RRAGD: variants seen among roughly 807,000 people sequenced by gnomAD.
RRAGD encodes the protein Ras related GTP binding D.
Under a neutral mutation model 35.5 loss-of-function variants are expected in RRAGD, and 12 were observed. The observed-to-expected ratio is 0.34, with a 90% CI of 0.22 to 0.55. The LOEUF is 0.55. RRAGD is among the 20% of genes least tolerant of loss of function. The pLI, the probability that RRAGD is intolerant of heterozygous loss-of-function variation, is 0.91. For missense variants in RRAGD, 324 were observed against 490.1 expected (o/e 0.66, Z 3.20); for synonymous variants, 155 against 178.9 (o/e 0.87, Z 1.07).
rs1769619689 is a variant in RRAGD, at chr6:89,408,102, G to A, written c.148+3744C>T. 2.6e-5 allele frequency among the ~76,000 whole-genome samples: 4 copies of A among 152,142 alleles called. No homozygotes were observed. The South Asian group carries it at 8.3e-4, about 32-fold the overall frequency. Reference sequence around the variant, plus strand: ...TCTTCTGTATTTCCAGGGCCAGAAGGAAATCTAAGAGATAAGCTGTGTCCA... The same window carrying A: ...TCTTCTGTATTTCCAGGGCCAGAAGAAAATCTAAGAGATAAGCTGTGTCCA... On this transcript the variant is annotated intron_variant, in intron 1 of 6. Coordinates refer to ENST00000369415, the MANE Select transcript of RRAGD (RefSeq NM_021244.5).
At chr6:89,397,163 A>AAAT (rs1769353306) in intron 1 of RRAGD, among the ~76,000 whole-genome samples, 1 of 152,228 alleles carries the variant, frequency 6.6e-6, no homozygotes, top group Non-Finnish European at 1.5e-5. Flanking sequence ...TATAAAATGT[A>AAAT]AATCAAAACT....
intron 2 of RRAGD, among the ~76,000 whole-genome samples, chr6:89,385,941 C>T (rs1769130811): frequency 6.6e-6 from 1 of 152,132 alleles, no homozygotes; most frequent in South Asian, 2.1e-4. Flanking sequence ...CGAGCATGGG[C>T]TCAGAATGAT....
chr6:89,376,723 G>A lies in RRAGD; in HGVS notation c.902+948C>T, dbSNP rs544441989. Among the ~76,000 whole-genome samples, 25 of 151,448 alleles carry A rather than the reference G, an allele frequency of 1.7e-4. No homozygotes were observed. The South Asian group carries it at 2.3e-3, about 14-fold the overall frequency. ...ATAGGAAGCTCTGTTTTCTAAGAAC[G>A]GTATGTTAACAGATTTTTTTCAGCA... On this transcript the variant is annotated intron_variant, in intron 5 of 6. Transcript: ENST00000369415.
intron 2 of RRAGD, among the ~76,000 whole-genome samples, chr6:89,386,356 G>A (rs1769137195): frequency 6.6e-6 from 1 of 152,126 alleles, no homozygotes; most frequent in African/African-American, 2.4e-5. Context: ...AACTACAGCA[G>A]AAAAGCCTCA....
Position 89,412,088 on chromosome 6 carries a change from A to C in RRAGD, c.-95T>G. 1 of 1,300,088 alleles carries C rather than the reference A, an allele frequency of 7.7e-7. No homozygotes were observed. 80.5% of individuals were successfully genotyped at this position (1,300,088 alleles called of 1,614,324 possible). On this transcript the variant is annotated 5_prime_UTR_variant, in exon 1 of 7. Transcript: ENST00000369415. The surrounding 1 kb of genome is among the most constrained non-coding windows in gnomAD (Gnocchi z 4.2). Reference sequence around the variant, plus strand: ...CGCCCGCAGCCTATTTCTGAAGCGGAGGTTTGTCTAGAGCTCAGCGGGGCC... The same window carrying C: ...CGCCCGCAGCCTATTTCTGAAGCGGCGGTTTGTCTAGAGCTCAGCGGGGCC...
intron 2 of RRAGD, 108 bp from the exon 3 acceptor site, chr6:89,380,475 G>T: frequency 1.1e-6 from 1 of 872,808 alleles, no homozygotes. Context: ...GAAATACGTT[G>T]CAAAGGTTCC....
At chr6:89,371,144 A>G (rs1202887668) in intron 6 of RRAGD, among the ~76,000 whole-genome samples, 2 of 151,976 alleles carry the variant, frequency 1.3e-5, no homozygotes, top group Non-Finnish European at 2.9e-5. Context: ...AAGGAAGGAA[A>G]AAAAGGAATG....
At chr6:89,372,347 CTGT>C in intron 6 of RRAGD, 87 bp downstream of exon 6, 2 of 1,374,838 alleles carry the variant, frequency 1.5e-6, no homozygotes, top group African/African-American at 1.5e-5. Context: ...GAGGGCTATG[CTGT>C]TGTCCACCCA....
intron 6 of RRAGD, among the ~76,000 whole-genome samples, chr6:89,370,396 C>G (rs1034507335): frequency 3.9e-5 from 6 of 152,098 alleles, no homozygotes; most frequent in Admixed American, 3.3e-4. Flanking sequence ...CATAATATAC[C>G]AGTTTTCAGT....
intron 1 of RRAGD, among the ~76,000 whole-genome samples, chr6:89,408,631 T>TA (rs961367574): frequency 1.3e-5 from 2 of 152,120 alleles, no homozygotes; most frequent in African/African-American, 4.8e-5. Context: ...CCTCAGACCC[T>TA]AAGGGTGCGC....
Position 89,372,584 on chromosome 6 carries a change from G to A in RRAGD, c.904C>T (p.Leu302Phe). 1.3e-6 allele frequency: 2 copies of A among 1,519,376 alleles called. No homozygotes were observed. The highest frequency in any genetic ancestry group is 1.4e-5 in the African/African-American group (1 of 70,182). The allele number at this position is 1,519,376 out of a possible 1,614,324, so 94.1% of individuals were successfully genotyped here. A position where few individuals can be genotyped will look rare whatever the true frequency, so the allele number is the denominator to read the frequency against. The change falls in exon 6 of 7, where the codon CTC (leucine) becomes TTC (phenylalanine). Residue 302 changes from leucine (L) to phenylalanine (F), a missense_variant and splice_region_variant. By Grantham distance (22) the Leu-to-Phe change is conservative (BLOSUM62 0). Around this residue, in one of 5 missense-constraint regions of RRAGD, gnomAD observed 152 missense variants for 296.9 expected, o/e 0.51. Transcript: ENST00000369415. ...GGGGTTCCTGCTCCATCTTCTTTGA[G>A]ACTAAATGGGGACAGAAACCAAAAC... ...VVIDISCIYG[L>F]KEDGAGTPYD...
chr6:89,380,770 G>C (rs778551705), intron 2 of RRAGD, among the ~76,000 whole-genome samples: 1 of 152,106 alleles, frequency 6.6e-6, no homozygotes, highest in African/African-American at 2.4e-5. Flanking sequence ...AGCCAGGCGT[G>C]GTGGCATGCG....
At chr6:89,377,991 T>C (rs912628106) in intron 4 of RRAGD, among the ~76,000 whole-genome samples, 178 bp from the exon 5 acceptor site, 52 of 152,324 alleles carry the variant, frequency 3.4e-4, no homozygotes, top group Middle Eastern at 3.4e-3. Flanking sequence ...AACTTCTCTA[T>C]ACTGGACTTG....
chr6:89,397,564 AC>A (rs1769362643), intron 1 of RRAGD, among the ~76,000 whole-genome samples: 1 of 151,598 alleles, frequency 6.6e-6, no homozygotes, highest in Non-Finnish European at 1.5e-5. Context: ...AGATCGCGCC[AC>A]TGCACTCCAG....
Position 89,368,111 on chromosome 6 carries a change from C to T in RRAGD, c.1148G>A (p.Arg383Gln), listed in dbSNP as rs749852430. Residue 383 changes from arginine (R) to glutamine (Q), a missense_variant, in exon 7 of 7, where the codon CGG becomes CAG. By Grantham distance (43) the Arg-to-Gln change is conservative. This residue lies in a region of RRAGD where 68 missense variants were observed against 76.8 expected (regional missense o/e 0.89). Transcript: ENST00000369415. ...KVVKSRKVQN[R>Q]LQKKKRATPN... ...GGTGGCTCTCTTTTTCTTCTGCAGC[C>T]GATTCTGAACCTTTCGAGATTTTAC... 5.0e-5 allele frequency: 80 copies of T among 1,613,664 alleles called. No homozygotes were observed. Among genetic ancestry groups the T allele is most frequent in the Non-Finnish European group, 6.2e-5 (73 of 1,179,820 alleles).
At chr6:89,390,334 C>T (rs1052756919) in intron 1 of RRAGD, among the ~76,000 whole-genome samples, 1 of 152,110 alleles carries the variant, frequency 6.6e-6, no homozygotes, top group Admixed American at 6.5e-5. Context: ...TAAATGACAA[C>T]CCAATAAAAA....
intron 4 of RRAGD, among the ~76,000 whole-genome samples, chr6:89,378,194 C>T (rs912673485): frequency 2.0e-5 from 3 of 151,828 alleles, no homozygotes; most frequent in Admixed American, 6.6e-5. Context: ...CCCAGCTACT[C>T]GGGAGGCTGA....
chr6:89,400,614 C>T (rs1258466853), intron 1 of RRAGD, among the ~76,000 whole-genome samples: 1 of 151,924 alleles, frequency 6.6e-6, no homozygotes, highest in Non-Finnish European at 1.5e-5. Flanking sequence ...AAAAAAGTCC[C>T]CTAGAGTACA....
intron 1 of RRAGD, among the ~76,000 whole-genome samples, chr6:89,389,755 T>C (rs1769199425): frequency 6.6e-6 from 1 of 152,078 alleles, no homozygotes; most frequent in African/African-American, 2.4e-5. Flanking sequence ...TAGACCGTGG[T>C]TCAGTGTTAA....
Sources: allele counts gnomAD v4.1 joint callset (sites outside exome capture counted in the v4.1 genomes callset), GRCh38; gene constraint gnomAD v4.1.1; regional missense constraint gnomAD v4.1.1; non-coding constraint Gnocchi (gnomAD v3.1); transcripts MANE v1.5; gene names NCBI Gene and HGNC (gene_info 2026-07-23, HGNC 2026-07-21).